The following RBFOX3 variants were observed in gnomAD, a reference collection of about 807,000 sequenced individuals.
RBFOX3 encodes RNA binding fox-1 homolog 3.
A neutral mutation model predicts 48.7 loss-of-function variants in RBFOX3; 17 were observed. That is an observed-to-expected ratio of 0.35 (90% CI 0.24 to 0.52). The LOEUF (loss-of-function observed/expected upper bound fraction) is 0.52, where lower values mean the gene tolerates loss of function less well. RBFOX3 is among the 20% of genes least tolerant of loss of function. RBFOX3 has a pLI of 0.94. For synonymous variants in RBFOX3, 212 were observed against 209.5 expected (o/e 1.01, Z -0.10); for missense variants, 382 against 497.5 (o/e 0.77, Z 2.21).
chr17:79,119,835 G>A (rs926147285), intron 4 of RBFOX3, among the ~76,000 whole-genome samples: 12 of 152,184 alleles, frequency 7.9e-5, no homozygotes, highest in Admixed American at 5.2e-4. Context: ...CAGTCACCTA[G>A]AGAAGTGTCC....
chr17:79,110,760 G>A (rs1445765422), intron 5 of RBFOX3, among the ~76,000 whole-genome samples: 1 of 152,188 alleles, frequency 6.6e-6, no homozygotes, highest in Admixed American at 6.5e-5. Flanking sequence ...GGCATTTGAA[G>A]AACACAGGAT....
chr17:79,563,587 G>C (rs993348295), intron 1 of RBFOX3, among the ~76,000 whole-genome samples: 22 of 152,234 alleles, frequency 1.4e-4, no homozygotes, highest in Non-Finnish European at 1.9e-4. Flanking sequence ...GGGAAAAGAG[G>C]TGTTACGTTG....
At chr17:79,603,427 G>A (rs1161255504) in intron 1 of RBFOX3, among the ~76,000 whole-genome samples, 2 of 152,170 alleles carry the variant, frequency 1.3e-5, no homozygotes, top group African/African-American at 4.8e-5. Flanking sequence ...CTGAGTCCAC[G>A]GCCCCACAGA....
At chr17:79,175,943 G>C (rs930327245) in intron 4 of RBFOX3, among the ~76,000 whole-genome samples, 6 of 152,306 alleles carry the variant, frequency 3.9e-5, no homozygotes, top group Admixed American at 2.0e-4. Flanking sequence ...CTGGGGGCTC[G>C]CATACACCCT....
At chr17:79,153,062 A>C (rs1180064084) in intron 4 of RBFOX3, among the ~76,000 whole-genome samples, 1 of 151,964 alleles carries the variant, frequency 6.6e-6, no homozygotes, top group Non-Finnish European at 1.5e-5. Flanking sequence ...GGGCTGCCCT[A>C]TTTCCTCTGT....
chr17:79,169,226 G>C (rs927352661), intron 4 of RBFOX3, among the ~76,000 whole-genome samples: 2 of 152,142 alleles, frequency 1.3e-5, no homozygotes, highest in African/African-American at 2.4e-5. Flanking sequence ...CCTCTGCTTG[G>C]GCCCAGGGCA....
At chr17:79,210,009 A>AG (rs960431273) in intron 4 of RBFOX3, among the ~76,000 whole-genome samples, 27 of 151,660 alleles carry the variant, frequency 1.8e-4, no homozygotes, top group African/African-American at 5.8e-4. Context: ...AAAAAAAAAA[A>AG]AAAGAAAGAA....
intron 1 of RBFOX3, among the ~76,000 whole-genome samples, chr17:79,605,873 C>G (rs1031741235): frequency 9.2e-5 from 14 of 152,134 alleles, no homozygotes; most frequent in Non-Finnish European, 1.9e-4. Flanking sequence ...CTGGCCCCAA[C>G]CTACACGGAA....
the RBFOX3 span, among the ~76,000 whole-genome samples, chr17:79,633,360 G>A: frequency 1.2e-3 from 179 of 152,348 alleles, no homozygotes; most frequent in African/African-American, 4.2e-3. Flanking sequence ...AGAAGCTCTG[G>A]GCTCAGGTCA....
chr17:79,582,946 G>A lies in RBFOX3; in HGVS notation c.-320+27880C>T, dbSNP rs1032591471. ...GCCTCCCAGAGCCATGGACCACTGCGACCCACAATGGGCCTCTGGTGCCCA... is the reference window on the plus strand; with the variant it reads ...GCCTCCCAGAGCCATGGACCACTGCAACCCACAATGGGCCTCTGGTGCCCA... On this transcript the variant is annotated intron_variant, in intron 1 of 14. Transcript: ENST00000693108. 8.1e-4 allele frequency among the ~76,000 whole-genome samples: 124 copies of A among 152,242 alleles called. 3 individuals are homozygous for A. In the South Asian group the frequency reaches 0.018, roughly 23 times the overall value.
the RBFOX3 span, among the ~76,000 whole-genome samples, chr17:79,633,598 GTTTT>G: frequency 6.8e-6 from 1 of 147,820 alleles, no homozygotes; most frequent in African/African-American, 2.5e-5. Context: ...TCCAGCGGCT[GTTTT>G]TTTTTTTAAC....
At chr17:79,435,107 T>C (rs1470374611) in intron 2 of RBFOX3, among the ~76,000 whole-genome samples, 1 of 152,214 alleles carries the variant, frequency 6.6e-6, no homozygotes, top group Non-Finnish European at 1.5e-5. Flanking sequence ...GGGACCCCAA[T>C]ATCTGGCTCT....
In RBFOX3 at chr17:79,144,076, C is replaced by T. The variant is rs142314545; in HGVS notation, c.-33-28328G>A. On this transcript the variant is annotated intron_variant, in intron 4 of 14. Transcript: ENST00000693108. ...GGAGGACACATCTAAGCCACAGGCCCGGCACTGGCATCGAGGGGTCCAGAG... is the reference window on the plus strand; with the variant it reads ...GGAGGACACATCTAAGCCACAGGCCTGGCACTGGCATCGAGGGGTCCAGAG... Among the ~76,000 whole-genome samples, 456 of 152,332 alleles carry T rather than the reference C, an allele frequency of 3.0e-3. 1 individual carries two copies. Among genetic ancestry groups the T allele is most frequent in the African/African-American group, 0.01 (432 of 41,570 alleles).
At chr17:79,453,699 G>A (rs76604142) in intron 2 of RBFOX3, among the ~76,000 whole-genome samples, 3,694 of 151,708 alleles carry the variant, frequency 0.024, 64 homozygotes, top group Middle Eastern at 0.045. Context: ...AGTGTGTGCC[G>A]GTGTGTGCAG....
At position 79,090,500 on chromosome 17, in the gene RBFOX3, T is replaced by C. The variant is rs1348953986; in HGVS notation, c.*383A>G. 2 of 234,262 alleles carry C rather than the reference T, an allele frequency of 8.5e-6. No individual in the cohort carries two copies. The highest frequency in any genetic ancestry group is 8.3e-6 in the Non-Finnish European group (1 of 120,550). 14.5% of individuals were successfully genotyped at this position (234,262 alleles called of 1,614,324 possible). A position where few individuals can be genotyped will look rare whatever the true frequency, so the allele number is the denominator to read the frequency against. ...GCTCCGCCGCCGCTGGGCTCCACAC[T>C]GTCTGTCTTGGGAGTTGGGGGCTGG... is the stretch of plus-strand genomic sequence containing the variant. On this transcript the variant is annotated 3_prime_UTR_variant, in exon 15 of 15. Transcript: ENST00000693108.
chr17:79,607,532 C>T (rs981152348), intron 1 of RBFOX3, among the ~76,000 whole-genome samples: 15 of 152,220 alleles, frequency 9.9e-5, no homozygotes, highest in Non-Finnish European at 1.8e-4. Context: ...CTACCACCAC[C>T]ACTCTGGCGC....
chr17:79,629,144 G>A, the RBFOX3 span, among the ~76,000 whole-genome samples: 2 of 152,234 alleles, frequency 1.3e-5, no homozygotes, highest in African/African-American at 2.4e-5. Context: ...AGACAGGTGG[G>A]TGAACAGCCA....
At chr17:79,186,570 G>A (rs931950731) in intron 4 of RBFOX3, among the ~76,000 whole-genome samples, 18 of 152,314 alleles carry the variant, frequency 1.2e-4, no homozygotes, top group African/African-American at 4.1e-4. Context: ...CCCTGAGCAG[G>A]GGGTGGGGGA....
rs558157648 is a variant in RBFOX3 at position 79,384,778 on chromosome 17, T to C, written c.-174-76954A>G. On this transcript the variant is annotated intron_variant, in intron 2 of 14. Coordinates refer to ENST00000693108, the MANE Select transcript of RBFOX3 (RefSeq NM_001350451.2). ...CGTGGAGGAGGAGCTGCTGGCAGGC[T>C]GGCTCCCACCCACACCGGCCCCTGA... Among the ~76,000 whole-genome samples the C allele has an allele frequency of 1.5e-4, 23 of 152,350 alleles. 1 individual carries two copies. In the South Asian group the frequency reaches 4.1e-3, roughly 27 times the overall value.
Sources: allele counts gnomAD v4.1 joint callset (sites outside exome capture counted in the v4.1 genomes callset), GRCh38; gene constraint gnomAD v4.1.1; transcripts MANE v1.5; gene names NCBI Gene and HGNC (gene_info 2026-07-23, HGNC 2026-07-21).